Variants in GLI2 observed in about 807,000 individuals in gnomAD.
The protein encoded by GLI2 is GLI family zinc finger 2, also known as transcription activator GLI2.
A neutral mutation model predicts 78.9 loss-of-function variants in GLI2; 22 were observed. The observed-to-expected ratio is 0.28, with a 90% confidence interval of 0.20 to 0.40. The LOEUF (loss-of-function observed/expected upper bound fraction) is 0.40, where lower values mean the gene tolerates loss of function less well. Among genes scored for constraint, GLI2 ranks in the 10% least tolerant of loss-of-function variants. The probability of loss-of-function intolerance (pLI) is 1.00; values close to 1 mark genes in which losing one functional copy is unlikely to be tolerated. For synonymous variants in GLI2, 974 were observed against 963.7 expected (o/e 1.01, Z -0.20); for missense variants, 2,097 against 2,213.2 (o/e 0.95, Z 1.05).
At chr2:120,973,064 C>T (rs541769706) in intron 8 of GLI2, among the ~76,000 whole-genome samples, 1 of 152,290 alleles carries the variant, frequency 6.6e-6, no homozygotes, top group South Asian at 2.1e-4. Flanking sequence ...CCCTGTCTCC[C>T]CTGCATCTGC....
chr2:120,876,638 C>T (rs1170882221), intron 2 of GLI2, among the ~76,000 whole-genome samples: 2 of 151,824 alleles, frequency 1.3e-5, no homozygotes, highest in Non-Finnish European at 2.9e-5. Context: ...TTGCAGCTGG[C>T]AGGGTTGGAG....
intron 2 of GLI2, among the ~76,000 whole-genome samples, chr2:120,898,147 G>A (rs1377868040): frequency 6.8e-6 from 1 of 147,278 alleles, no homozygotes; most frequent in Non-Finnish European, 1.5e-5. Flanking sequence ...GGGTTAAAAC[G>A]CAATGGCATA....
intron 1 of GLI2, among the ~76,000 whole-genome samples, chr2:120,753,075 T>G (rs1237587988): frequency 1.4e-5 from 2 of 142,272 alleles, no homozygotes; most frequent in East Asian, 2.0e-4. Context: ...AGGGTGGGTG[T>G]TTTTTTTTTC....
intron 3 of GLI2, among the ~76,000 whole-genome samples, chr2:120,933,975 G>A (rs1205054872): frequency 1.3e-5 from 2 of 152,282 alleles, no homozygotes; most frequent in South Asian, 2.1e-4. Flanking sequence ...CCCAAACCTG[G>A]CTGCAGATCT....
At chr2:120,880,062 C>T (rs1439313734) in intron 2 of GLI2, among the ~76,000 whole-genome samples, 1 of 152,208 alleles carries the variant, frequency 6.6e-6, no homozygotes, top group Non-Finnish European at 1.5e-5. Flanking sequence ...TTTATTCCCT[C>T]TCTGTGCACA....
intron 2 of GLI2, among the ~76,000 whole-genome samples, chr2:120,895,767 GGGAGGATGGGCCC>G (rs1677911367): frequency 6.6e-6 from 1 of 152,172 alleles, no homozygotes; most frequent in African/African-American, 2.4e-5. Context: ...AAGTTTCCCT[GGGAGGATGGGCCC>G]GGAACCCAGA....
intron 1 of GLI2, among the ~76,000 whole-genome samples, chr2:120,789,678 C>A (rs1684093372): frequency 6.6e-6 from 1 of 152,234 alleles, no homozygotes; most frequent in Non-Finnish European, 1.5e-5. Context: ...TATAGCTGTG[C>A]TTTTATACCT....
intron 2 of GLI2, among the ~76,000 whole-genome samples, chr2:120,873,851 T>C (rs1475309397): frequency 6.6e-6 from 1 of 152,196 alleles, no homozygotes; most frequent in East Asian, 1.9e-4. Context: ...TTTGCAGAGT[T>C]CGTAACGACA....
chr2:120,877,387 A>C (rs1232931813), intron 2 of GLI2, among the ~76,000 whole-genome samples: 3 of 152,224 alleles, frequency 2.0e-5, no homozygotes, highest in Non-Finnish European at 4.4e-5. Context: ...TACAACATAC[A>C]TAACCGTAAA....
At chr2:120,915,040 C>T (rs1050141171) in intron 2 of GLI2, among the ~76,000 whole-genome samples, 2 of 152,226 alleles carry the variant, frequency 1.3e-5, no homozygotes, top group Non-Finnish European at 2.9e-5. Flanking sequence ...TCTCCCGTGG[C>T]GTTGGCTGGA....
At position 120,986,421 on chromosome 2, in the gene GLI2, A is replaced by G. The variant is rs1339666171; in HGVS notation, c.2049A>G (p.Thr683=). ...GAGACCTGACGGCACTGGATGACAC[A>G]CCCCCAGGGGCCGACACCTCAGCCC... ...SLGDLTALDD[T]PPGADTSALA... Residue 683 remains threonine (T), a synonymous_variant, in exon 13 of 14, where the codon ACA becomes ACG. Coordinates refer to ENST00000361492, the MANE Select transcript of GLI2 (RefSeq NM_001374353.1). 1 of 1,613,478 alleles carries G rather than the reference A, an allele frequency of 6.2e-7. No homozygotes were observed. The highest frequency in any genetic ancestry group is 2.2e-5 in the East Asian group (1 of 44,858).
chr2:120,812,296 G>A (rs1468326930), intron 2 of GLI2, among the ~76,000 whole-genome samples: 2 of 152,182 alleles, frequency 1.3e-5, no homozygotes, highest in Non-Finnish European at 2.9e-5. Context: ...TCCCCTCACT[G>A]CGTTGGGAGT....
intron 3 of GLI2, among the ~76,000 whole-genome samples, chr2:120,932,608 T>G (rs1490760661): frequency 3.3e-5 from 5 of 152,202 alleles, no homozygotes; most frequent in Non-Finnish European, 7.3e-5. Flanking sequence ...CACCTCAGCT[T>G]TCTCATCTAT....
chr2:120,984,774 A>G (rs1483645778), intron 12 of GLI2, 31 bp downstream of exon 12: 2 of 1,608,742 alleles, frequency 1.2e-6, no homozygotes, highest in Admixed American at 1.7e-5. Context: ...CAGCCACGCA[A>G]GGCGACTCCA....
intron 1 of GLI2, among the ~76,000 whole-genome samples, chr2:120,746,024 A>G (rs931291688): frequency 1.3e-5 from 2 of 151,950 alleles, no homozygotes; most frequent in Non-Finnish European, 1.5e-5. Context: ...TGCAGGTGCA[A>G]CCCTCAGCCC....
intron 2 of GLI2, among the ~76,000 whole-genome samples, chr2:120,855,265 AC>A (rs1687592557): frequency 6.6e-6 from 1 of 152,192 alleles, no homozygotes; most frequent in South Asian, 2.1e-4. Flanking sequence ...CTGCACGCTG[AC>A]CCTGGAGGCA....
At chr2:120,965,249 G>A (rs1461726629) in intron 5 of GLI2, among the ~76,000 whole-genome samples, 1 of 151,242 alleles carries the variant, frequency 6.6e-6, no homozygotes, top group Non-Finnish European at 1.5e-5. Context: ...ACTCCAGCCA[G>A]GATGCAGATG....
chr2:120,879,418 G>A (rs995034659), intron 2 of GLI2, among the ~76,000 whole-genome samples: 1 of 152,206 alleles, frequency 6.6e-6, no homozygotes, highest in Non-Finnish European at 1.5e-5. Flanking sequence ...TCCTCATTCT[G>A]GTGGATTGGA....
At chr2:120,784,598 C>T (rs927761778) in intron 1 of GLI2, among the ~76,000 whole-genome samples, 2 of 152,064 alleles carry the variant, frequency 1.3e-5, no homozygotes. Flanking sequence ...GGGGTAAGCA[C>T]ACCCTTCCAG....
Sources: allele counts gnomAD v4.1 joint callset (sites outside exome capture counted in the v4.1 genomes callset), GRCh38; gene constraint gnomAD v4.1.1; transcripts MANE v1.5; gene names NCBI Gene and HGNC (gene_info 2026-07-23, HGNC 2026-07-21).